LRRC75A: variants seen among roughly 807,000 people sequenced by gnomAD.
LRRC75A encodes the protein leucine-rich repeat-containing protein 75A.
In LRRC75A, 12 loss-of-function variants were observed where a neutral mutation model predicts 26.0. The observed-to-expected ratio is 0.46, with a 90% CI of 0.30 to 0.75. The LOEUF (loss-of-function observed/expected upper bound fraction) is 0.75, where lower values mean the gene tolerates loss of function less well. Among genes scored for constraint, LRRC75A ranks in the 30% least tolerant of loss-of-function variants. The pLI is 0.08. For synonymous variants in LRRC75A, 223 were observed against 219.3 expected (o/e 1.02, Z -0.15); for missense variants, 410 against 486.6 (o/e 0.84, Z 1.48).
chr17:16,458,833 C>T (rs1412385270), intron 2 of LRRC75A, among the ~76,000 whole-genome samples: 1 of 151,992 alleles, frequency 6.6e-6, no homozygotes, highest in Non-Finnish European at 1.5e-5. Flanking sequence ...TTGAGAGACC[C>T]AAAGCTAAAC....
chr17:16,486,625 G>A lies in LRRC75A; in HGVS notation c.246+5120C>T, dbSNP rs190785966. Among the ~76,000 whole-genome samples, 27 of 152,304 alleles carry A rather than the reference G, an allele frequency of 1.8e-4. No homozygotes were observed. In the South Asian group the frequency reaches 5.4e-3, roughly 30 times the overall value. On this transcript the variant is annotated intron_variant, in intron 1 of 3. Coordinates refer to ENST00000470794, the MANE Select transcript of LRRC75A (RefSeq NM_001113567.3). ...AGGCCAGACTCTCCCATCAGGCTCC[G>A]CTCCCCTCCCGCCACCTCGGCAGAG...
chr17:16,443,457 TC>T lies in LRRC75A; in HGVS notation c.*130del. 1.3e-6 allele frequency: 1 copy of T among 776,462 alleles called. No homozygotes were observed. Among genetic ancestry groups the T allele is most frequent in the African/African-American group, 1.7e-5 (1 of 57,528 alleles). 48.1% of individuals were successfully genotyped at this position (776,462 alleles called of 1,614,324 possible). A position where few individuals can be genotyped will look rare whatever the true frequency, so the allele number is the denominator to read the frequency against. ...TTCCCCAGATGATATGGTTTGCCTT[TC>T]TGTAGGTGGGTGGCCCAGGCCAATT... On this transcript the variant is annotated 3_prime_UTR_variant, in exon 4 of 4. Coordinates refer to ENST00000470794, the MANE Select transcript of LRRC75A (RefSeq NM_001113567.3).
At chr17:16,472,497 G>A (rs1314391072) in intron 1 of LRRC75A, among the ~76,000 whole-genome samples, 2 of 152,128 alleles carry the variant, frequency 1.3e-5, no homozygotes, top group African/African-American at 2.4e-5. Flanking sequence ...CTCCAGAGAG[G>A]GGCATTGCTC....
intron 1 of LRRC75A, chr17:16,463,295 GC>G (rs1422117774): frequency 6.6e-6 from 1 of 152,252 alleles, no homozygotes. Flanking sequence ...TAAACTTCGT[GC>G]CACTCCACGT....
chr17:16,488,340 T>C (rs2093851068), intron 1 of LRRC75A, among the ~76,000 whole-genome samples: 1 of 152,224 alleles, frequency 6.6e-6, no homozygotes, highest in African/African-American at 2.4e-5. Flanking sequence ...AGTGAGTTTT[T>C]GATCCAGACT....
At chr17:16,453,911 G>A (rs2093655765) in intron 2 of LRRC75A, among the ~76,000 whole-genome samples, 1 of 152,080 alleles carries the variant, frequency 6.6e-6, no homozygotes, top group African/African-American at 2.4e-5. Flanking sequence ...AACTAGGCAG[G>A]TCACTCTCTC....
At chr17:16,483,231 G>A (rs117663081) in intron 1 of LRRC75A, among the ~76,000 whole-genome samples, 17 of 152,342 alleles carry the variant, frequency 1.1e-4, no homozygotes, top group East Asian at 1.9e-4. Flanking sequence ...AGGGCAGCTC[G>A]GGCCTCTGTG....
chr17:16,480,630 A>G (rs1303305088), intron 1 of LRRC75A, among the ~76,000 whole-genome samples: 1 of 88,094 alleles, frequency 1.1e-5, no homozygotes, highest in African/African-American at 6.2e-5. Context: ...ACTTCGTCTC[A>G]AAAAAAAAAA....
At chr17:16,448,348 G>T in intron 2 of LRRC75A, 1 of 246,262 alleles carries the variant, frequency 4.1e-6, no homozygotes, top group Non-Finnish European at 8.2e-6. Context: ...CACTTACTCG[G>T]AGCCAGGCAC....
At chr17:16,465,657 T>C (rs2093762380) in intron 1 of LRRC75A, among the ~76,000 whole-genome samples, 1 of 152,176 alleles carries the variant, frequency 6.6e-6, no homozygotes, top group Non-Finnish European at 1.5e-5. Flanking sequence ...AGGCCATCCC[T>C]GGAAGGACCA....
Position 16,447,827 on chromosome 17 carries a change from C to T in LRRC75A, c.491+18G>A, listed in dbSNP as rs138809782. 6.7e-5 allele frequency: 101 copies of T among 1,516,474 alleles called. No homozygotes were observed. In the African/African-American group the frequency reaches 9.6e-4, roughly 14 times the overall value. The allele number at this position is 1,516,474 out of a possible 1,614,324, so 93.9% of individuals were successfully genotyped here. A position where few individuals can be genotyped will look rare whatever the true frequency, so the allele number is the denominator to read the frequency against. ...ACACTCAGCCTGGCATAGACCTGCCCGGGGGAGTGTAACTCACCAGGCCTG... is the reference window on the plus strand; with the variant it reads ...ACACTCAGCCTGGCATAGACCTGCCTGGGGGAGTGTAACTCACCAGGCCTG... On this transcript the variant is annotated intron_variant, in intron 3 of 3. Transcript: ENST00000470794.
At chr17:16,478,610 C>G (rs1044742102) in intron 1 of LRRC75A, 1 of 152,210 alleles carries the variant, frequency 6.6e-6, no homozygotes, top group Non-Finnish European at 1.5e-5. Context: ...ACATGCGACA[C>G]CAAAGCCATT....
At chr17:16,487,950 C>T (rs1299809307) in intron 1 of LRRC75A, among the ~76,000 whole-genome samples, 2 of 152,232 alleles carry the variant, frequency 1.3e-5, no homozygotes, top group Non-Finnish European at 2.9e-5. Flanking sequence ...CATGGGAAAG[C>T]TGGGGTGCTG....
intron 1 of LRRC75A, among the ~76,000 whole-genome samples, chr17:16,479,278 A>T (rs1311594671): frequency 6.6e-6 from 1 of 152,234 alleles, no homozygotes; most frequent in Non-Finnish European, 1.5e-5. Flanking sequence ...CAAGAGAAAG[A>T]GGGCAAGTAC....
At chr17:16,485,443 C>G in intron 1 of LRRC75A, among the ~76,000 whole-genome samples, 1 of 152,172 alleles carries the variant, frequency 6.6e-6, no homozygotes. Flanking sequence ...CGAGAGGGTA[C>G]CATCACCAGA....
intron 2 of LRRC75A, among the ~76,000 whole-genome samples, chr17:16,456,203 AGAG>A (rs139093145): frequency 0.32 from 29,773 of 94,462 alleles, 7,091 homozygotes; most frequent in Non-Finnish European, 0.34. Flanking sequence ...AGGAGGAGGA[AGAG>A]GAGGAGGAAG....
At chr17:16,460,344 C>T (rs1304743225) in intron 2 of LRRC75A, among the ~76,000 whole-genome samples, 1 of 152,248 alleles carries the variant, frequency 6.6e-6, no homozygotes, top group African/African-American at 2.4e-5. Flanking sequence ...CGCCTCTACC[C>T]AGATGGAAAG....
At chr17:16,485,687 T>TTC (rs2093845562) in intron 1 of LRRC75A, among the ~76,000 whole-genome samples, 4 of 146,520 alleles carry the variant, frequency 2.7e-5, no homozygotes, top group South Asian at 2.2e-4. Flanking sequence ...TGTGTGTGTG[T>TTC]GTGTGTATGC....
intron 1 of LRRC75A, among the ~76,000 whole-genome samples, chr17:16,487,931 GC>G (rs1323113982): frequency 1.3e-5 from 2 of 152,216 alleles, no homozygotes; most frequent in African/African-American, 4.8e-5. Flanking sequence ...AACCCCATCA[GC>G]CTCTTCTCAT....
Sources: gnomAD v4.1 joint callset for allele counts (sites outside exome capture counted in the v4.1 genomes callset) on GRCh38, gnomAD v4.1.1 for gene constraint, MANE v1.5 for transcripts, NCBI Gene and HGNC (gene_info 2026-07-23, HGNC 2026-07-21) for gene names.